Variants in MCTP1 observed in about 807,000 individuals in gnomAD.
The protein encoded by MCTP1 is multiple C2 and transmembrane domain containing 1.
A neutral mutation model predicts 120.6 loss-of-function variants in MCTP1; 69 were observed. The observed-to-expected ratio is 0.57, with a 90% CI of 0.47 to 0.70. The LOEUF is 0.70. MCTP1 is among the 30% of genes least tolerant of loss of function. The pLI is 0.00. For missense variants in MCTP1, 1,203 were observed against 1,248.8 expected (o/e 0.96, Z 0.55); for synonymous variants, 529 against 493.1 (o/e 1.07, Z -0.96).
intron 17 of MCTP1, among the ~76,000 whole-genome samples, chr5:94,846,251 T>G (rs1046498974): frequency 6.6e-6 from 1 of 152,082 alleles, no homozygotes; most frequent in Non-Finnish European, 1.5e-5. Context: ...GGAATCAACC[T>G]AAATGCCCAT....
intron 1 of MCTP1, among the ~76,000 whole-genome samples, chr5:95,071,941 G>A (rs1752261946): frequency 1.3e-5 from 2 of 152,152 alleles, no homozygotes. Flanking sequence ...ATATATACAT[G>A]TAAAAGTCCA....
chr5:94,881,195 C>A (rs1799985776), intron 12 of MCTP1, among the ~76,000 whole-genome samples: 1 of 152,102 alleles, frequency 6.6e-6, no homozygotes, highest in Non-Finnish European at 1.5e-5. Context: ...CTGCTGCAGA[C>A]TGCAAGCAGG....
chr5:94,993,111 T>C (rs977741103), intron 2 of MCTP1, among the ~76,000 whole-genome samples: 1 of 152,194 alleles, frequency 6.6e-6, no homozygotes, highest in South Asian at 2.1e-4. Flanking sequence ...TAACTTTTTT[T>C]CAATACGTAG....
intron 17 of MCTP1, among the ~76,000 whole-genome samples, chr5:94,810,862 T>C (rs1241128311): frequency 1.3e-5 from 2 of 152,206 alleles, no homozygotes; most frequent in African/African-American, 2.4e-5. Flanking sequence ...GATTATTCTT[T>C]GTCTGGGTTT....
intron 2 of MCTP1, among the ~76,000 whole-genome samples, chr5:94,954,837 G>T (rs293042): frequency 0.043 from 6,502 of 152,180 alleles, 176 homozygotes; most frequent in East Asian, 0.087. Context: ...TGTTAGGAAG[G>T]GGTGGAGGTC....
chr5:95,207,771 A>G (rs1417043927), intron 1 of MCTP1, among the ~76,000 whole-genome samples: 2 of 152,172 alleles, frequency 1.3e-5, no homozygotes, highest in Non-Finnish European at 2.9e-5. Flanking sequence ...TGTGATTGAG[A>G]AAGAGAGAGA....
At chr5:95,248,826 G>A (rs1008178717) in intron 1 of MCTP1, among the ~76,000 whole-genome samples, 12 of 152,086 alleles carry the variant, frequency 7.9e-5, no homozygotes, top group African/African-American at 2.9e-4. Context: ...CAGATATATA[G>A]ACCAATGGAA....
intron 1 of MCTP1, among the ~76,000 whole-genome samples, chr5:95,253,200 G>A (rs1054237389): frequency 1.3e-5 from 2 of 152,060 alleles, no homozygotes; most frequent in Non-Finnish European, 2.9e-5. Flanking sequence ...GAACACATAA[G>A]GTGGATTTTC....
intron 6 of MCTP1, chr5:94,929,696 G>C (rs1402213273): frequency 1.0e-6 from 1 of 984,788 alleles, no homozygotes; most frequent in East Asian, 1.1e-4. Flanking sequence ...ATGTAGCAGA[G>C]TGTGTGAAGG....
In MCTP1 at chr5:94,704,321, G is replaced by GTATT. The variant is rs1291338758; in HGVS notation, c.*3171_*3174dup. Reference sequence around the variant, plus strand: ...AGTATAATGGTAGCTGTCTTTACTTGTATTTCTGGAGCAAAAAGGTATAAC... The same window carrying GTATT: ...AGTATAATGGTAGCTGTCTTTACTTGTATTTATTTCTGGAGCAAAAAGGTATAAC... On this transcript the variant is annotated 3_prime_UTR_variant, in exon 23 of 23. Transcript: ENST00000515393. 4.6e-5 allele frequency: 7 copies of GTATT among 151,490 alleles called. No homozygotes were observed. In the South Asian group the frequency reaches 8.3e-4, roughly 18 times the overall value. The allele number at this position is 151,490 out of a possible 1,614,324, so 9.4% of individuals were successfully genotyped here.
intron 19 of MCTP1, among the ~76,000 whole-genome samples, chr5:94,776,444 T>C (rs1775349224): frequency 6.6e-6 from 1 of 152,172 alleles, no homozygotes; most frequent in Non-Finnish European, 1.5e-5. Flanking sequence ...ATACCCCATT[T>C]ACCCCCAAGT....
intron 17 of MCTP1, among the ~76,000 whole-genome samples, chr5:94,846,133 C>A (rs1470163540): frequency 6.6e-6 from 1 of 151,988 alleles, no homozygotes; most frequent in African/African-American, 2.4e-5. Context: ...CTATTCGGCC[C>A]AGTAATCCCA....
chr5:95,233,776 G>A (rs1030824551), intron 1 of MCTP1, among the ~76,000 whole-genome samples: 8 of 152,182 alleles, frequency 5.3e-5, no homozygotes, highest in African/African-American at 1.9e-4. Flanking sequence ...AGCATTAAAT[G>A]TCTATAATAG....
intron 2 of MCTP1, among the ~76,000 whole-genome samples, chr5:95,011,931 C>T (rs771773383): frequency 6.6e-5 from 10 of 152,038 alleles, no homozygotes; most frequent in Non-Finnish European, 1.3e-4. Flanking sequence ...TCTGGCACTG[C>T]AAAAATGATC....
In MCTP1 at chr5:94,706,056, TATTGTTAAAGAATCTTCC is replaced by T. The variant is rs1359690785; in HGVS notation, c.*1422_*1439del. On this transcript the variant is annotated 3_prime_UTR_variant, in exon 23 of 23. Transcript: ENST00000515393. Reference sequence around the variant, plus strand: ...AAATCAGCTTCAATGAGATTACATTTATTGTTAAAGAATCTTCCTTTAGAGTGAAATATACATTTCTTT... The same window carrying T: ...AAATCAGCTTCAATGAGATTACATTTTTTAGAGTGAAATATACATTTCTTT... The T allele has an allele frequency of 1.3e-5, 2 of 151,780 alleles. No homozygotes were observed. The highest frequency in any genetic ancestry group is 3.0e-5 in the Non-Finnish European group (2 of 67,780). 9.4% of individuals were successfully genotyped at this position (151,780 alleles called of 1,614,324 possible).
At chr5:94,779,024 A>G (rs1369393170) in intron 19 of MCTP1, 86 bp downstream of exon 19, 1 of 1,235,078 alleles carries the variant, frequency 8.1e-7, no homozygotes. Context: ...CAAACACTTC[A>G]ACTCCTTTTT....
At chr5:95,092,814 C>T (rs185081914) in intron 1 of MCTP1, among the ~76,000 whole-genome samples, 64 of 152,298 alleles carry the variant, frequency 4.2e-4, no homozygotes, top group African/African-American at 1.5e-3. Context: ...ATATCCTTTA[C>T]TAAAGTTTCA....
At chr5:94,960,738 G>A (rs1040500927) in intron 2 of MCTP1, among the ~76,000 whole-genome samples, 1 of 152,140 alleles carries the variant, frequency 6.6e-6, no homozygotes, top group African/African-American at 2.4e-5. Flanking sequence ...TGTCACGACC[G>A]TTAGAATGGC....
chr5:94,962,534 C>G (rs1824530881), intron 2 of MCTP1, among the ~76,000 whole-genome samples: 1 of 151,120 alleles, frequency 6.6e-6, no homozygotes, highest in Non-Finnish European at 1.5e-5. Flanking sequence ...TGGAATAGTA[C>G]TCAGCCATAA....
Sources: gnomAD v4.1 joint callset for allele counts (sites outside exome capture counted in the v4.1 genomes callset) on GRCh38, gnomAD v4.1.1 for gene constraint, MANE v1.5 for transcripts, NCBI Gene and HGNC (gene_info 2026-07-23, HGNC 2026-07-21) for gene names.